DIDO1: variants seen among roughly 807,000 people sequenced by gnomAD.
DIDO1 encodes death-inducer obliterator 1.
Under a neutral mutation model 99.4 loss-of-function variants are expected in DIDO1, and 16 were observed. That is an observed-to-expected ratio of 0.16 (90% confidence interval 0.11 to 0.24). DIDO1 has a LOEUF of 0.24. Ranked by LOEUF, DIDO1 falls within the 10% of genes least tolerant of loss-of-function variation. The pLI is 1.00. For synonymous variants in DIDO1, 1,366 were observed against 1,239.1 expected, an observed-to-expected ratio of 1.10 and a Z score of -2.15; for missense variants, 2,996 against 3,014.0, an observed-to-expected ratio of 0.99 and a Z score of 0.14.
At position 62,879,883 on chromosome 20, in the gene DIDO1, G is replaced by C. The variant is rs1267943294; in HGVS notation, c.6073C>G (p.Pro2025Ala). ...APQVMKPGPR[P>A]LLELPSHPPQ... ...GGGTGGCTGGGAAGCTCCAGCAGGG[G>C]CCTGGGGCCCGGCTTCATCACCTGC... Residue 2025 changes from proline (P) to alanine (A), a missense_variant, in exon 16 of 16, where the codon CCC becomes GCC. Around this residue, in one of 5 missense-constraint regions of DIDO1, gnomAD observed 1,562 missense variants for 1,412.6 expected, o/e 1.11. Coordinates refer to ENST00000395343, the MANE Select transcript of DIDO1 (RefSeq NM_001193369.2). This position sits in a 1 kb window ranked among gnomAD's most constrained non-coding sequence, Gnocchi z 6.3. 6.3e-7 allele frequency: 1 copy of C among 1,589,066 alleles called. No homozygotes were observed. The highest frequency in any genetic ancestry group is 1.4e-5 in the African/African-American group (1 of 73,644).
intron 1 of DIDO1, among the ~76,000 whole-genome samples, chr20:62,923,559 G>C (rs767436703): frequency 6.6e-6 from 1 of 152,178 alleles, no homozygotes; most frequent in African/African-American, 2.4e-5. Flanking sequence ...CAGACAAGCC[G>C]GCCAGGGCAG....
At chr20:62,924,947 G>C (rs1411789388) in intron 1 of DIDO1, among the ~76,000 whole-genome samples, 2 of 152,186 alleles carry the variant, frequency 1.3e-5, no homozygotes, top group African/African-American at 4.8e-5. Flanking sequence ...GCTGAAACAA[G>C]TCTACAAGAA....
chr20:62,908,137 G>A (rs537554014), intron 4 of DIDO1, among the ~76,000 whole-genome samples: 6 of 151,922 alleles, frequency 3.9e-5, no homozygotes, highest in South Asian at 2.1e-4. Context: ...ATACCACCAC[G>A]CCCAGCTCAT....
At position 62,894,950 on chromosome 20, in the gene DIDO1, G is replaced by A. The variant is rs748349954; in HGVS notation, c.2332-36C>T. 1 of 1,604,700 alleles carries A rather than the reference G, an allele frequency of 6.2e-7. No individual in the cohort carries two copies. The highest frequency in any genetic ancestry group is 8.5e-7 in the Non-Finnish European group (1 of 1,173,378). On this transcript the variant is annotated intron_variant, in intron 9 of 15. Transcript: ENST00000395343. The surrounding 1 kb of genome is among the most constrained non-coding windows in gnomAD (Gnocchi z 4.4). ...AAAGACGAAACAGAGCTTAGGCCTTGTTTTCTAGGAGGAAAGCATCGCTTA... is the reference window on the plus strand; with the variant it reads ...AAAGACGAAACAGAGCTTAGGCCTTATTTTCTAGGAGGAAAGCATCGCTTA...
intron 1 of DIDO1, among the ~76,000 whole-genome samples, chr20:62,917,360 C>G (rs1172292660): frequency 1.3e-5 from 2 of 152,200 alleles, no homozygotes; most frequent in Non-Finnish European, 2.9e-5. Flanking sequence ...TCCAAGAAGA[C>G]TTTAATTACT....
In DIDO1 at chr20:62,881,244, C is replaced by A. The variant is rs1477049373; in HGVS notation, c.4712G>T (p.Gly1571Val). Residue 1571 changes from glycine to valine, a missense_variant, in exon 16 of 16, where the codon GGT becomes GTT. By Grantham distance (109) the Gly-to-Val change is moderately radical. Coordinates refer to ENST00000395343, the MANE Select transcript of DIDO1 (RefSeq NM_001193369.2). This position sits in a 1 kb window ranked among gnomAD's most constrained non-coding sequence, Gnocchi z 8.3. ...RQARRLATETGEGEGEPLSRL... is the reference protein window; with the variant it reads ...RQARRLATETVEGEGEPLSRL... ...GGAGAGAGGCTCCCCCTCCCCCTCACCGGTCTCAGTGGCCAGGCGCCTCGC... is the reference window on the plus strand; with the variant it reads ...GGAGAGAGGCTCCCCCTCCCCCTCAACGGTCTCAGTGGCCAGGCGCCTCGC... 1 of 1,602,422 alleles carries A rather than the reference C, an allele frequency of 6.2e-7. No homozygotes were observed. Among genetic ancestry groups the A allele is most frequent in the Non-Finnish European group, 8.5e-7 (1 of 1,177,330 alleles).
At position 62,880,695 on chromosome 20, in the gene DIDO1, C is replaced by T. The variant is rs1210696994; in HGVS notation, c.5261G>A (p.Arg1754Gln). Reference sequence around the variant, plus strand: ...CCCCAAAGCATGAGGTCCAGGTTCCCGCTGACCCTGAAACGGGGGCTGAGA... The same window carrying T: ...CCCCAAAGCATGAGGTCCAGGTTCCTGCTGACCCTGAAACGGGGGCTGAGA... ...GGSQPPFQGQ[R>Q]EPGPHALGMS... The change falls in exon 16 of 16, where the codon CGG (arginine) becomes CAG (glutamine). Residue 1754 changes from arginine (R) to glutamine (Q), a missense_variant. Physicochemically the swap from Arg to Gln is conservative, Grantham distance 43. This residue lies in a region of DIDO1 where 1,562 missense variants were observed against 1,412.6 expected (regional missense o/e 1.11). Transcript: ENST00000395343. 4 of 1,612,628 alleles carry T rather than the reference C, an allele frequency of 2.5e-6. No homozygotes were observed. The highest frequency in any genetic ancestry group is 2.2e-5 in the East Asian group (1 of 44,894).
intron 1 of DIDO1, among the ~76,000 whole-genome samples, chr20:62,923,819 C>A (rs998999894): frequency 3.3e-5 from 5 of 152,172 alleles, no homozygotes; most frequent in African/African-American, 1.2e-4. Flanking sequence ...CAAAACAAAA[C>A]CACGGCATCA....
Position 62,879,281 on chromosome 20 carries a change from C to T in DIDO1, c.6675G>A (p.Lys2225=). 3.8e-6 allele frequency: 6 copies of T among 1,575,648 alleles called. No homozygotes were observed. The highest frequency in any genetic ancestry group is 5.2e-6 in the Non-Finnish European group (6 of 1,163,862). ...CGTCGGAGGCCCTCGAGGCCTCGGG[C>T]TTCGGGTCCCGAGCGCTCTCTTTGC... ...SKSKESARDP[K]PEASRASDAG... is the part of the protein sequence containing the mutation. The change falls in exon 16 of 16, where the codon AAG becomes AAA. Residue 2225 remains lysine (K), a synonymous_variant. Transcript: ENST00000395343. The surrounding 1 kb of genome is among the most constrained non-coding windows in gnomAD (Gnocchi z 6.3).
chr20:62,881,872 G>T lies in DIDO1; in HGVS notation c.4084C>A (p.Pro1362Thr), dbSNP rs1375111332. ...DGVPAPPLLD[P>T]IVQQFGQFSK... ...AACTGACCGAACTGCTGGACGATCG[G>T]ATCTAACAACGGAGGTGCCGGCACC... is the stretch of plus-strand genomic sequence containing the variant. The change falls in exon 16 of 16, where the codon CCG (proline) becomes ACG (threonine). Residue 1362 changes from proline (P) to threonine (T), a missense_variant. Pro to Thr is a conservative substitution (Grantham distance 38, BLOSUM62 -1). This residue lies in a region of DIDO1 where 1,562 missense variants were observed against 1,412.6 expected (regional missense o/e 1.11). Coordinates refer to ENST00000395343, the MANE Select transcript of DIDO1 (RefSeq NM_001193369.2). The surrounding 1 kb of genome is among the most constrained non-coding windows in gnomAD (Gnocchi z 8.3). 6.2e-7 allele frequency: 1 copy of T among 1,613,530 alleles called. No individual in the cohort carries two copies. The highest frequency in any genetic ancestry group is 8.5e-7 in the Non-Finnish European group (1 of 1,180,032).
At position 62,881,148 on chromosome 20, in the gene DIDO1, T is replaced by C; in HGVS notation, c.4808A>G (p.Gln1603Arg). The C allele has an allele frequency of 6.2e-7, 1 of 1,608,434 alleles. No individual in the cohort carries two copies. The highest frequency in any genetic ancestry group is 8.5e-7 in the Non-Finnish European group (1 of 1,179,466). Residue 1603 changes from glutamine to arginine, a missense_variant, in exon 16 of 16, where the codon CAG becomes CGG. By Grantham distance (43) the Gln-to-Arg change is conservative (BLOSUM62 1). Around this residue, in one of 5 missense-constraint regions of DIDO1, gnomAD observed 1,562 missense variants for 1,412.6 expected, o/e 1.11. Transcript: ENST00000395343. This position sits in a 1 kb window ranked among gnomAD's most constrained non-coding sequence, Gnocchi z 8.3. ...TTCCTCCGGGACTGGCATGGGCGCC[T>C]GGCCCACGAGGCCACCCCTGGAAGC... The part of the protein sequence containing the change: ...RDASRGGLVG[Q>R]APMPVPEEKE...
chr20:62,914,984 C>A (rs2065013478), intron 1 of DIDO1, among the ~76,000 whole-genome samples: 2 of 152,202 alleles, frequency 1.3e-5, no homozygotes, highest in South Asian at 4.1e-4. Context: ...TGTATCCTCT[C>A]TCAACCAGTC....
At chr20:62,936,416 G>T (rs147180665) in intron 1 of DIDO1, among the ~76,000 whole-genome samples, 6 of 152,104 alleles carry the variant, frequency 3.9e-5, no homozygotes, top group Non-Finnish European at 7.4e-5. Flanking sequence ...GTAGCCGGGC[G>T]TGGTGGCGGG....
chr20:62,880,172 C>T lies in DIDO1; in HGVS notation c.5784G>A (p.Gly1928=), dbSNP rs771780323. ...PPPGHFVGPR[G]PHPSQFETAR... is the part of the protein sequence containing the mutation. Reference sequence around the variant, plus strand: ...CAGTTTCAAACTGACTAGGATGGGGCCCTCTTGGGCCCACGAAATGACCAG... The same window carrying T: ...CAGTTTCAAACTGACTAGGATGGGGTCCTCTTGGGCCCACGAAATGACCAG... Residue 1928 remains glycine, a synonymous_variant, in exon 16 of 16, where the codon GGG becomes GGA. Coordinates refer to ENST00000395343, the MANE Select transcript of DIDO1 (RefSeq NM_001193369.2). 18 of 1,612,212 alleles carry T rather than the reference C, an allele frequency of 1.1e-5. No individual in the cohort carries two copies. In the South Asian group the frequency reaches 2.0e-4, roughly 18 times the overall value.
chr20:62,884,736 A>G (rs1295315203), intron 15 of DIDO1, among the ~76,000 whole-genome samples: 1 of 152,124 alleles, frequency 6.6e-6, no homozygotes, highest in Non-Finnish European at 1.5e-5. Flanking sequence ...CCTCCTGGAG[A>G]GAGGACCAAA....
chr20:62,907,945 T>G (rs953996043), intron 4 of DIDO1, among the ~76,000 whole-genome samples: 4 of 152,190 alleles, frequency 2.6e-5, no homozygotes, highest in Admixed American at 2.6e-4. Context: ...TGAGTAATTT[T>G]TCAGTGTAAG....
intron 1 of DIDO1, chr20:62,937,771 C>T (rs1411003573): frequency 1.0e-5 from 4 of 398,116 alleles, no homozygotes; most frequent in African/African-American, 8.2e-5. Context: ...CGGCCTCACG[C>T]AAACGACAGG....
At chr20:62,915,644 A>G (rs2065024364) in intron 1 of DIDO1, among the ~76,000 whole-genome samples, 1 of 152,074 alleles carries the variant, frequency 6.6e-6, no homozygotes, top group Non-Finnish European at 1.5e-5. Context: ...GCGTGCCACT[A>G]TGCCCAGCTA....
chr20:62,924,095 T>C (rs1158876932), intron 1 of DIDO1, among the ~76,000 whole-genome samples: 2 of 152,240 alleles, frequency 1.3e-5, no homozygotes, highest in South Asian at 2.1e-4. Flanking sequence ...CTTTCCCAAT[T>C]AGTACATTTC....
Sources: allele counts gnomAD v4.1 joint callset (sites outside exome capture counted in the v4.1 genomes callset), GRCh38; gene constraint gnomAD v4.1.1; regional missense constraint gnomAD v4.1.1; non-coding constraint Gnocchi (gnomAD v3.1); transcripts MANE v1.5; gene names NCBI Gene and HGNC (gene_info 2026-07-23, HGNC 2026-07-21).